PRIM2: variants seen among roughly 807,000 people sequenced by gnomAD.
PRIM2 encodes DNA primase large subunit.
In PRIM2, 39 loss-of-function variants were observed where a neutral mutation model predicts 67.3. That is an observed-to-expected ratio of 0.58 (90% CI 0.45 to 0.76). The LOEUF (loss-of-function observed/expected upper bound fraction) is 0.76. PRIM2 is among the 30% of genes least tolerant of loss of function. PRIM2 has a pLI of 0.00. For missense variants in PRIM2, 398 were observed against 598.7 expected, an observed-to-expected ratio of 0.66 and a Z score of 3.50; for synonymous variants, 143 against 198.7, an observed-to-expected ratio of 0.72 and a Z score of 2.36.
chr6:57,224,116 C>T, the PRIM2 span, among the ~76,000 whole-genome samples: 1 of 152,092 alleles, frequency 6.6e-6, no homozygotes, highest in Non-Finnish European at 1.5e-5. Context: ...GTAGTATATA[C>T]ATGCAATAAA....
intron 5 of PRIM2, among the ~76,000 whole-genome samples, chr6:57,341,943 A>G (rs1229557834): frequency 6.6e-6 from 1 of 152,136 alleles, no homozygotes; most frequent in East Asian, 1.9e-4. Flanking sequence ...GTTTGTGTGC[A>G]TTTCTCTGTC....
chr6:57,628,963 T>TATA (rs1777000800), intron 12 of PRIM2, among the ~76,000 whole-genome samples: 1 of 152,182 alleles, frequency 6.6e-6, no homozygotes, highest in Non-Finnish European at 1.5e-5. Flanking sequence ...TGATCCTATA[T>TATA]CATAAGCTGA....
intron 5 of PRIM2, among the ~76,000 whole-genome samples, chr6:57,353,817 A>G (rs1474749151): frequency 6.6e-6 from 1 of 152,170 alleles, no homozygotes; most frequent in Non-Finnish European, 1.5e-5. Context: ...TTCTTCCACC[A>G]TCTCTTAAGC....
the PRIM2 span, among the ~76,000 whole-genome samples, chr6:57,303,996 G>A: frequency 6.6e-6 from 1 of 152,132 alleles, no homozygotes; most frequent in Non-Finnish European, 1.5e-5. Flanking sequence ...AATGATGCAG[G>A]ATGATGGTTG....
chr6:57,290,543 A>G, the PRIM2 span, among the ~76,000 whole-genome samples: 1 of 152,222 alleles, frequency 6.6e-6, no homozygotes, highest in Admixed American at 6.5e-5. Context: ...CCAAATCAAC[A>G]GAATATACAT....
the PRIM2 span, among the ~76,000 whole-genome samples, chr6:57,289,655 AT>A: frequency 2.0e-5 from 3 of 152,238 alleles, no homozygotes; most frequent in African/African-American, 7.2e-5. Context: ...AACATTCAAC[AT>A]TCTTAAATAA....
intron 12 of PRIM2, among the ~76,000 whole-genome samples, chr6:57,610,420 T>C (rs1277791594): frequency 6.6e-6 from 1 of 152,170 alleles, no homozygotes; most frequent in Admixed American, 6.5e-5. Flanking sequence ...AAAGAGATCA[T>C]TGTGACTCAG....
chr6:57,442,517 T>C (rs1346324016), intron 7 of PRIM2, among the ~76,000 whole-genome samples: 2 of 152,092 alleles, frequency 1.3e-5, no homozygotes, highest in Non-Finnish European at 2.9e-5. Context: ...TAGAGAATTA[T>C]GGTCAGGAAG....
At chr6:57,600,192 T>A (rs1776436744) in intron 10 of PRIM2, among the ~76,000 whole-genome samples, 1 of 152,204 alleles carries the variant, frequency 6.6e-6, no homozygotes, top group Non-Finnish European at 1.5e-5. Flanking sequence ...TTTGTTCTCC[T>A]GTCTGACTCA....
chr6:57,417,616 G>T (rs577967283), intron 7 of PRIM2, among the ~76,000 whole-genome samples: 2 of 152,206 alleles, frequency 1.3e-5, no homozygotes, highest in Non-Finnish European at 2.9e-5. Flanking sequence ...TCCTGATGAA[G>T]CTCATCTTAT....
At chr6:57,458,467 T>C (rs1355861261) in intron 7 of PRIM2, among the ~76,000 whole-genome samples, 1 of 152,168 alleles carries the variant, frequency 6.6e-6, no homozygotes, top group Non-Finnish European at 1.5e-5. Flanking sequence ...GCAGATCACC[T>C]GAGGTCAGGA....
intron 10 of PRIM2, among the ~76,000 whole-genome samples, chr6:57,587,724 A>ATTG (rs2127487349): frequency 6.7e-6 from 1 of 149,974 alleles, no homozygotes; most frequent in Admixed American, 6.7e-5. Context: ...ACCATGAAAT[A>ATTG]TTGCATGTTG....
At chr6:57,410,776 G>C (rs1184306325) in intron 7 of PRIM2, among the ~76,000 whole-genome samples, 4 of 152,056 alleles carry the variant, frequency 2.6e-5, no homozygotes, top group Non-Finnish European at 5.9e-5. Context: ...ATGTTTAATA[G>C]AAGTGATGAG....
At chr6:57,474,616 G>C (rs1256701759) in intron 7 of PRIM2, among the ~76,000 whole-genome samples, 1 of 152,084 alleles carries the variant, frequency 6.6e-6, no homozygotes, top group African/African-American at 2.4e-5. Flanking sequence ...GTTGCAAGAA[G>C]TTAAGCAGGG....
the PRIM2 span, among the ~76,000 whole-genome samples, chr6:57,263,352 C>T: frequency 5.1e-4 from 77 of 152,202 alleles, no homozygotes; most frequent in African/African-American, 1.7e-3. Flanking sequence ...GAGCCATCCT[C>T]TCTCTGAAGG....
chr6:57,525,581 A>G (rs1252228197), intron 8 of PRIM2, among the ~76,000 whole-genome samples: 1 of 152,146 alleles, frequency 6.6e-6, no homozygotes, highest in East Asian at 1.9e-4. Flanking sequence ...TTCTCTATTC[A>G]ACCTAGACCT....
intron 8 of PRIM2, among the ~76,000 whole-genome samples, chr6:57,509,821 T>C (rs1554347534): frequency 6.7e-6 from 1 of 148,926 alleles, no homozygotes; most frequent in Non-Finnish European, 1.5e-5. Flanking sequence ...ATAATTTTAA[T>C]ATATTTTAAA....
chr6:57,249,011 A>G, the PRIM2 span, among the ~76,000 whole-genome samples: 1 of 152,240 alleles, frequency 6.6e-6, no homozygotes, highest in African/African-American at 2.4e-5. Flanking sequence ...TGGCGACCTC[A>G]TTGCTCCACT....
At chr6:57,320,293 C>G (rs552088405) in intron 2 of PRIM2, among the ~76,000 whole-genome samples, 164 bp from the exon 3 acceptor site, 18 of 152,266 alleles carry the variant, frequency 1.2e-4, no homozygotes, top group African/African-American at 4.3e-4. Flanking sequence ...ACATTATCCT[C>G]TTATAAGCAT....
Sources: gnomAD v4.1 joint callset for allele counts (sites outside exome capture counted in the v4.1 genomes callset) on GRCh38, gnomAD v4.1.1 for gene constraint, MANE v1.5 for transcripts, NCBI Gene and HGNC (gene_info 2026-07-23, HGNC 2026-07-21) for gene names.